ARMH4: variants seen among roughly 807,000 people sequenced by gnomAD.
The protein encoded by ARMH4 is armadillo-like helical domain-containing protein 4.
A neutral mutation model predicts 61.9 loss-of-function variants in ARMH4; 49 were observed. That is an observed-to-expected ratio of 0.79 (90% CI 0.63 to 1.00). The LOEUF (loss-of-function observed/expected upper bound fraction) is 1.00, where lower values mean the gene tolerates loss of function less well. Ranked by LOEUF, ARMH4 falls within the 50% of genes least tolerant of loss-of-function variation. The pLI is 0.00. For missense variants in ARMH4, 934 were observed against 930.0 expected (o/e 1.00, Z -0.06); for synonymous variants, 368 against 341.5 (o/e 1.08, Z -0.85).
chr14:58,135,614 T>G (rs1335118832), intron 2 of ARMH4, among the ~76,000 whole-genome samples: 1 of 152,100 alleles, frequency 6.6e-6, no homozygotes, highest in South Asian at 2.1e-4. Context: ...CTAACATCTC[T>G]CATTCTTCCT....
intron 5 of ARMH4, among the ~76,000 whole-genome samples, chr14:58,093,013 T>C (rs550947823): frequency 6.6e-6 from 1 of 152,204 alleles, no homozygotes; most frequent in Admixed American, 6.5e-5. Flanking sequence ...GCTTCAATTA[T>C]GGGGGCAGTT....
In ARMH4 at chr14:58,107,763, C is replaced by CAAAA. The variant is rs34507217; in HGVS notation, c.1832-10786_1832-10783dup. Among the ~76,000 whole-genome samples the CAAAA allele has an allele frequency of 2.7e-4, 26 of 97,332 alleles. 1 individual carries two copies. Among genetic ancestry groups the CAAAA allele is most frequent in the Middle Eastern group, 5.1e-3 (1 of 196 alleles). 63.9% of individuals were successfully genotyped at this position (97,332 alleles called of 152,430 possible). A position where few individuals can be genotyped will look rare whatever the true frequency, so the allele number is the denominator to read the frequency against. On this transcript the variant is annotated intron_variant, in intron 4 of 7. Coordinates refer to ENST00000267485, the MANE Select transcript of ARMH4 (RefSeq NM_001001872.4). The stretch of plus-strand genomic sequence containing the variant: ...TGGGCGACAGAGCAAGACTCCATCT[C>CAAAA]AAAAAAAAAAAAAAAAAAAAAATTA...
intron 5 of ARMH4, among the ~76,000 whole-genome samples, chr14:58,053,691 C>T (rs1884224020): frequency 6.6e-6 from 1 of 152,188 alleles, no homozygotes; most frequent in African/African-American, 2.4e-5. Flanking sequence ...CCCACCCCAA[C>T]TAAGATGCAG....
rs114469751 is a variant in ARMH4 at position 58,069,905 on chromosome 14, T to C, written c.2089+26819A>G. 5.6e-3 allele frequency among the ~76,000 whole-genome samples: 846 copies of C among 152,308 alleles called. 13 individuals carry two copies. The highest frequency in any genetic ancestry group is 0.019 in the African/African-American group (804 of 41,572). ...AATTAACATAATAAGATTTGTGTTT[T>C]AGAAAGATATCTCTGAACACAGTGT... On this transcript the variant is annotated intron_variant, in intron 5 of 7. Coordinates refer to ENST00000267485, the MANE Select transcript of ARMH4 (RefSeq NM_001001872.4).
intron 1 of ARMH4, among the ~76,000 whole-genome samples, chr14:58,146,995 T>C (rs1225202317): frequency 2.0e-5 from 3 of 152,140 alleles, no homozygotes; most frequent in Admixed American, 1.3e-4. Flanking sequence ...TATTTTCCTT[T>C]TCTTATGATA....
At chr14:58,041,863 T>C (rs994836161) in intron 5 of ARMH4, among the ~76,000 whole-genome samples, 6 of 151,872 alleles carry the variant, frequency 4.0e-5, no homozygotes, top group Non-Finnish European at 5.9e-5. Context: ...CATTACATAA[T>C]GGTAAAAGGA....
chr14:58,138,048 A>T lies in ARMH4; in HGVS notation c.1311T>A (p.Thr437=). Residue 437 remains threonine (T), a synonymous_variant, in exon 2 of 8, where the codon ACT becomes ACA. Transcript: ENST00000267485. ...ENDALFFLET[T]VSVSVYESEA... ...CAGACTCATATACAGAGACAGAAAC[A>T]GTGGTTTCTAAGAAAAACAGGGCAT... 6.2e-7 allele frequency: 1 copy of T among 1,613,972 alleles called. No individual in the cohort carries two copies. The highest frequency in any genetic ancestry group is 1.1e-5 in the South Asian group (1 of 91,076).
chr14:58,140,625 G>A (rs999504770), intron 1 of ARMH4, among the ~76,000 whole-genome samples: 1 of 151,498 alleles, frequency 6.6e-6, no homozygotes, highest in Non-Finnish European at 1.5e-5. Flanking sequence ...AGAGGGCCGG[G>A]TGCAGTGGCT....
rs917775261 is a variant in ARMH4 at position 58,018,321 on chromosome 14, A to G, written c.2090-6171T>C. Among the ~76,000 whole-genome samples, 3 of 152,182 alleles carry G rather than the reference A, an allele frequency of 2.0e-5. No individual in the cohort carries two copies. The East Asian group carries it at 5.8e-4, about 29-fold the overall frequency. ...TTCCATATAGCCAAGGAGACAACCA[A>G]CAGAGTGAAAAGACAAGCTGTAGAA... On this transcript the variant is annotated intron_variant, in intron 5 of 7. Transcript: ENST00000267485.
At chr14:58,106,753 G>A (rs763847073) in intron 4 of ARMH4, among the ~76,000 whole-genome samples, 9 of 152,036 alleles carry the variant, frequency 5.9e-5, no homozygotes, top group Non-Finnish European at 1.2e-4. Context: ...TTAGCTAACA[G>A]GGAACAAGTT....
chr14:58,025,823 G>A (rs1312300015), intron 5 of ARMH4, among the ~76,000 whole-genome samples: 3 of 152,004 alleles, frequency 2.0e-5, no homozygotes, highest in East Asian at 1.9e-4. Context: ...CGTAATTACA[G>A]AACAGCAAGA....
intron 4 of ARMH4, among the ~76,000 whole-genome samples, chr14:58,098,207 T>C (rs1885826109): frequency 6.6e-6 from 1 of 152,202 alleles, no homozygotes; most frequent in South Asian, 2.1e-4. Flanking sequence ...ATACTACCTT[T>C]CCTCTATCAT....
In ARMH4 at chr14:58,133,262, A is replaced by G. The variant is rs368240070; in HGVS notation, c.1449T>C (p.Ala483=). Residue 483 remains alanine, a synonymous_variant, in exon 3 of 8, where the codon GCT becomes GCC. Coordinates refer to ENST00000267485, the MANE Select transcript of ARMH4 (RefSeq NM_001001872.4). ...CACTGTCTCTGATAAGCTCGAGGGT[A>G]GCAACCTGCTCTTGTGTCACCATGG... ...TLSMVTQEQV[A]TLELIRDSGK... The G allele has an allele frequency of 2.5e-6, 4 of 1,614,050 alleles. No individual in the cohort carries two copies. The highest frequency in any genetic ancestry group is 3.4e-6 in the Non-Finnish European group (4 of 1,180,042).
At position 58,069,800 on chromosome 14, in the gene ARMH4, T is replaced by C. The variant is rs979590063; in HGVS notation, c.2089+26924A>G. 5.1e-4 allele frequency among the ~76,000 whole-genome samples: 78 copies of C among 152,206 alleles called. 1 individual carries two copies. Among genetic ancestry groups the C allele is most frequent in the Non-Finnish European group, 3.8e-4 (26 of 68,046 alleles). On this transcript the variant is annotated intron_variant, in intron 5 of 7. Transcript: ENST00000267485. ...ATTTAAATGGGACCATGCTGTCTTA[T>C]TCAAATTGATCATCTCTCAGAACCT...
At chr14:58,014,050 C>T (rs1882512466) in intron 5 of ARMH4, among the ~76,000 whole-genome samples, 1 of 129,426 alleles carries the variant, frequency 7.7e-6, no homozygotes, top group African/African-American at 2.9e-5. Flanking sequence ...GAAAGAAAGT[C>T]ATTGGAACTC....
chr14:58,126,082 T>A (rs1401108018), intron 4 of ARMH4, among the ~76,000 whole-genome samples: 2 of 152,218 alleles, frequency 1.3e-5, no homozygotes, highest in Admixed American at 6.5e-5. Flanking sequence ...ACAGCTACCC[T>A]CTTTGGGTCC....
intron 6 of ARMH4, among the ~76,000 whole-genome samples, chr14:58,009,124 G>A (rs1398775495): frequency 6.6e-6 from 1 of 152,074 alleles, no homozygotes; most frequent in African/African-American, 2.4e-5. Flanking sequence ...TTCCAGTTTG[G>A]GACTGGGCAC....
Position 58,065,071 on chromosome 14 carries a change from G to A in ARMH4, c.2089+31653C>T, listed in dbSNP as rs1287731603. Among the ~76,000 whole-genome samples the A allele has an allele frequency of 3.3e-5, 5 of 152,202 alleles. No homozygotes were observed. The South Asian group carries it at 8.3e-4, about 25-fold the overall frequency. On this transcript the variant is annotated intron_variant, in intron 5 of 7. Coordinates refer to ENST00000267485, the MANE Select transcript of ARMH4 (RefSeq NM_001001872.4). Reference sequence around the variant, plus strand: ...ATCCTGGCCAACATGGTGAAACCCCGTCTCTACTAAAAATACAAAAATTAG... The same window carrying A: ...ATCCTGGCCAACATGGTGAAACCCCATCTCTACTAAAAATACAAAAATTAG...
chr14:58,072,774 C>T (rs1296917577), intron 5 of ARMH4, among the ~76,000 whole-genome samples: 2 of 151,894 alleles, frequency 1.3e-5, no homozygotes, highest in Admixed American at 6.6e-5. Context: ...TTGACTGCAG[C>T]GACACCTACT....
Sources: gnomAD v4.1 joint callset for allele counts (sites outside exome capture counted in the v4.1 genomes callset) on GRCh38, gnomAD v4.1.1 for gene constraint, MANE v1.5 for transcripts, NCBI Gene and HGNC (gene_info 2026-07-23, HGNC 2026-07-21) for gene names.